Variants in DIP2C observed in about 807,000 individuals in gnomAD.
The protein encoded by DIP2C is disco-interacting protein 2 homolog C.
In DIP2C, 33 loss-of-function variants were observed where a neutral mutation model predicts 192.4. The ratio of observed to expected loss-of-function variants is 0.17; its 90% CI spans 0.13 to 0.23. The LOEUF (loss-of-function observed/expected upper bound fraction) is 0.23. Ranked by LOEUF, DIP2C falls within the 10% of genes least tolerant of loss-of-function variation. The pLI is 1.00. For missense variants in DIP2C, 1,537 were observed against 2,110.1 expected (o/e 0.73, Z 5.32); for synonymous variants, 979 against 864.1 (o/e 1.13, Z -2.33).
At chr10:297,608 G>T (rs543506943) in intron 32 of DIP2C, among the ~76,000 whole-genome samples, 1 of 152,164 alleles carries the variant, frequency 6.6e-6, no homozygotes, top group Admixed American at 6.5e-5. Context: ...ACTCATATGT[G>T]GAAGCTAAAG....
chr10:327,045 G>A lies in DIP2C; in HGVS notation c.3885C>T (p.Thr1295=). The A allele has an allele frequency of 6.2e-7, 1 of 1,614,192 alleles. No homozygotes were observed. The highest frequency in any genetic ancestry group is 8.5e-7 in the Non-Finnish European group (1 of 1,180,038). The part of the protein sequence containing the change: ...DLGLHPRAVS[T]SFGCRVNLAI... Reference sequence around the variant, plus strand: ...CCAGGTTCACCCTGCAACCGAACGAGGTGCTGACGGCCCGCGGGTGAAGGC... The same window carrying A: ...CCAGGTTCACCCTGCAACCGAACGAAGTGCTGACGGCCCGCGGGTGAAGGC... The change falls in exon 31 of 37, where the codon ACC becomes ACT. Residue 1295 remains threonine, a synonymous_variant. Transcript: ENST00000280886.
At chr10:291,798 T>C (rs1029697591) in intron 32 of DIP2C, among the ~76,000 whole-genome samples, 9 of 152,240 alleles carry the variant, frequency 5.9e-5, no homozygotes, top group Admixed American at 5.2e-4. Flanking sequence ...GCTGGGGTTA[T>C]TAACACTTCT....
intron 1 of DIP2C, among the ~76,000 whole-genome samples, chr10:593,757 G>T (rs1028963125): frequency 6.6e-6 from 1 of 152,140 alleles, no homozygotes; most frequent in Non-Finnish European, 1.5e-5. Context: ...CTCCGATAGG[G>T]CCTCCTTTAC....
At chr10:594,774 G>C (rs992799226) in intron 1 of DIP2C, among the ~76,000 whole-genome samples, 1 of 152,090 alleles carries the variant, frequency 6.6e-6, no homozygotes, top group African/African-American at 2.4e-5. Flanking sequence ...ACACACAACC[G>C]AGCCGCAAAC....
rs368080569 is a variant in DIP2C at position 611,662 on chromosome 10, T to C, written c.85+77832A>G. ...AACAATTAAACATCTTAAGCTTCCTTTTTTTCCATCTTCCCCACTCACTGA... is the reference window on the plus strand; with the variant it reads ...AACAATTAAACATCTTAAGCTTCCTCTTTTTCCATCTTCCCCACTCACTGA... On this transcript the variant is annotated intron_variant, in intron 1 of 36. Transcript: ENST00000280886. 7.2e-5 allele frequency among the ~76,000 whole-genome samples: 11 copies of C among 152,144 alleles called. No individual in the cohort carries two copies. The East Asian group carries it at 1.7e-3, about 24-fold the overall frequency.
At chr10:296,045 A>C (rs768216469) in intron 32 of DIP2C, among the ~76,000 whole-genome samples, 13 of 152,196 alleles carry the variant, frequency 8.5e-5, no homozygotes, top group Non-Finnish European at 1.0e-4. Flanking sequence ...GGTTGATTGC[A>C]AAAATTTTCT....
rs370978647 is a variant in DIP2C, at chr10:425,376, C to T, written c.395-2343G>A. ...GGTGACTAATATGACACGGATGATA[C>T]GGCATGACCAGCGGTGACTAATATG... is the stretch of plus-strand genomic sequence containing the variant. On this transcript the variant is annotated intron_variant, in intron 4 of 36. Coordinates refer to ENST00000280886, the MANE Select transcript of DIP2C (RefSeq NM_014974.3). Among the ~76,000 whole-genome samples the T allele has an allele frequency of 2.6e-4, 36 of 138,802 alleles. 2 individuals carry two copies. The South Asian group carries it at 4.4e-3, about 17-fold the overall frequency. 91.1% of individuals were successfully genotyped at this position (138,802 alleles called of 152,430 possible).
intron 1 of DIP2C, among the ~76,000 whole-genome samples, chr10:493,368 C>T (rs958261159): frequency 6.6e-6 from 1 of 152,206 alleles, no homozygotes; most frequent in African/African-American, 2.4e-5. Flanking sequence ...TTTCCCATGA[C>T]ATTGATTCTC....
Position 338,307 on chromosome 10 carries a change from A to C in DIP2C, c.3584+2892T>G, listed in dbSNP as rs535286734. Among the ~76,000 whole-genome samples, 9 of 152,318 alleles carry C rather than the reference A, an allele frequency of 5.9e-5. No homozygotes were observed. In the East Asian group the frequency reaches 1.7e-3, roughly 29 times the overall value. The stretch of plus-strand genomic sequence containing the variant: ...AGTGTCTGGTATTTACAGAGGCCAC[A>C]ATAGTGTGCAGTCGTGTCCTGGCCT... On this transcript the variant is annotated intron_variant, in intron 29 of 36. Coordinates refer to ENST00000280886, the MANE Select transcript of DIP2C (RefSeq NM_014974.3).
chr10:376,517 C>G (rs113063510), intron 17 of DIP2C, among the ~76,000 whole-genome samples: 1,659 of 149,274 alleles, frequency 0.011, 36 homozygotes, highest in African/African-American at 0.038. Context: ...GAGGGGGGGT[C>G]TTCCCTTCTG....
intron 17 of DIP2C, among the ~76,000 whole-genome samples, chr10:376,612 C>T (rs1428098237): frequency 6.7e-6 from 1 of 150,020 alleles, no homozygotes; most frequent in African/African-American, 2.5e-5. Context: ...TCACCATTCA[C>T]CACCAAAGGT....
intron 32 of DIP2C, among the ~76,000 whole-genome samples, chr10:309,341 C>T (rs984251528): frequency 1.3e-5 from 2 of 152,076 alleles, no homozygotes; most frequent in Non-Finnish European, 2.9e-5. Context: ...GAGAAGGTAA[C>T]CTGACCCCTA....
At chr10:590,734 T>C (rs966917562) in intron 1 of DIP2C, among the ~76,000 whole-genome samples, 5 of 152,162 alleles carry the variant, frequency 3.3e-5, no homozygotes, top group Non-Finnish European at 7.4e-5. Context: ...AGAAAGCAGA[T>C]TAAAAATAGA....
intron 13 of DIP2C, 83 bp from the exon 14 acceptor site, chr10:387,892 T>C: frequency 7.3e-7 from 1 of 1,362,596 alleles, no homozygotes; most frequent in Non-Finnish European, 1.1e-6. Context: ...CAATATTGCA[T>C]CAGGGGAAAT....
chr10:436,756 G>A (rs755060687), intron 4 of DIP2C, among the ~76,000 whole-genome samples: 3 of 128,810 alleles, frequency 2.3e-5, no homozygotes, highest in Non-Finnish European at 4.6e-5. Flanking sequence ...GGACATGGTA[G>A]GGTGATATGC....
intron 1 of DIP2C, among the ~76,000 whole-genome samples, chr10:599,459 A>G (rs913048557): frequency 4.6e-5 from 7 of 152,210 alleles, no homozygotes; most frequent in Admixed American, 3.3e-4. Flanking sequence ...GACCAAGAAC[A>G]AACCAAGTTC....
intron 10 of DIP2C, among the ~76,000 whole-genome samples, chr10:396,351 T>TC (rs1303185363): frequency 1.3e-5 from 2 of 151,688 alleles, no homozygotes; most frequent in African/African-American, 4.8e-5. Context: ...GAAAACCACC[T>TC]CCCCCCTTTA....
intron 1 of DIP2C, among the ~76,000 whole-genome samples, chr10:502,137 G>A (rs1845279216): frequency 6.6e-6 from 1 of 152,102 alleles, no homozygotes; most frequent in South Asian, 2.1e-4. Context: ...TAGTGACCCT[G>A]TCTCAAAAAC....
chr10:295,854 C>A (rs1415695794), intron 32 of DIP2C, among the ~76,000 whole-genome samples: 1 of 152,080 alleles, frequency 6.6e-6, no homozygotes, highest in African/African-American at 2.4e-5. Context: ...TAAAAAAATA[C>A]AAAAATTAGC....
Sources: gnomAD v4.1 joint callset for allele counts (sites outside exome capture counted in the v4.1 genomes callset) on GRCh38, gnomAD v4.1.1 for gene constraint, MANE v1.5 for transcripts, NCBI Gene and HGNC (gene_info 2026-07-23, HGNC 2026-07-21) for gene names.